Variants in NAMPT observed in about 807,000 individuals in gnomAD.
NAMPT encodes the protein NAmPRTase.
NAMPT carries 7 observed loss-of-function variants against 58.7 expected under a neutral mutation model. The ratio of observed to expected loss-of-function variants is 0.12; its 90% CI spans 0.07 to 0.22. The LOEUF (loss-of-function observed/expected upper bound fraction) is 0.22. Among genes scored for constraint, NAMPT ranks in the 10% least tolerant of loss-of-function variants. The pLI is 1.00. For missense variants in NAMPT, 271 were observed against 567.9 expected (o/e 0.48, Z 5.31); for synonymous variants, 145 against 198.1 (o/e 0.73, Z 2.25).
intron 3 of NAMPT, among the ~76,000 whole-genome samples, chr7:106,273,074 A>AGAT (rs1477216213): frequency 6.6e-6 from 1 of 152,226 alleles, no homozygotes; most frequent in Non-Finnish European, 1.5e-5. Flanking sequence ...TAAAGGCTGC[A>AGAT]GATTGAAAGA....
Position 106,269,015 on chromosome 7 carries a change from G to A in NAMPT, c.606+139C>T, listed in dbSNP as rs1792479633. On this transcript the variant is annotated intron_variant, in intron 5 of 10. Transcript: ENST00000222553. ...CCATGTACCCTGAACACAGTAGTAG[G>A]TACTGAATATGTATCTGTTGGTTGA... 67 of 730,928 alleles carry A rather than the reference G, an allele frequency of 9.2e-5. 1 individual carries two copies. The South Asian group carries it at 1.2e-3, about 13-fold the overall frequency. The allele number at this position is 730,928 out of a possible 1,614,324, so 45.3% of individuals were successfully genotyped here.
At chr7:106,255,522 C>T (rs184868516) in intron 8 of NAMPT, among the ~76,000 whole-genome samples, 1 of 152,016 alleles carries the variant, frequency 6.6e-6, no homozygotes, top group African/African-American at 2.4e-5. Flanking sequence ...TCTTTGTTTT[C>T]AACACTGCAA....
intron 6 of NAMPT, among the ~76,000 whole-genome samples, chr7:106,266,040 TTTGG>T (rs899149170): frequency 2.0e-5 from 3 of 152,172 alleles, no homozygotes; most frequent in Non-Finnish European, 4.4e-5. Context: ...CCTCCTTTTG[TTTGG>T]TTGGATGGAA....
At position 106,284,840 on chromosome 7, in the gene NAMPT, G is replaced by T. The variant is rs1352331830; in HGVS notation, c.45C>A (p.Thr15=). 1.3e-6 allele frequency: 2 copies of T among 1,567,816 alleles called. No individual in the cohort carries two copies. The highest frequency in any genetic ancestry group is 2.3e-5 in the South Asian group (2 of 85,510). ...AEAEFNILLA[T]DSYKVTHYKQ... ...CCCCGAGCTTTACCTTGTAGGAGTC[G>T]GTGGCCAGGAGGATGTTGAACTCGG... Residue 15 remains threonine (T), a synonymous_variant, in exon 1 of 11, where the codon ACC becomes ACA. Transcript: ENST00000222553.
chr7:106,277,191 A>T lies in NAMPT; in HGVS notation c.58-12T>A. ...TTATAGTGAGTAACCTATGTAAAGA[A>T]ATACACTTCTGTTAGAAAACACCGA... On this transcript the variant is annotated splice_polypyrimidine_tract_variant and intron_variant, in intron 1 of 10. Coordinates refer to ENST00000222553, the MANE Select transcript of NAMPT (RefSeq NM_005746.3). The T allele has an allele frequency of 6.2e-7, 1 of 1,601,364 alleles. No individual in the cohort carries two copies. Among genetic ancestry groups the T allele is most frequent in the Non-Finnish European group, 8.5e-7 (1 of 1,171,710 alleles).
intron 8 of NAMPT, among the ~76,000 whole-genome samples, chr7:106,260,593 G>A (rs1294164526): frequency 6.6e-6 from 1 of 152,162 alleles, no homozygotes; most frequent in African/African-American, 2.4e-5. Flanking sequence ...TTGGCCTACT[G>A]TTTGCCTTAA....
intron 8 of NAMPT, among the ~76,000 whole-genome samples, chr7:106,257,818 C>T (rs1792229631): frequency 1.3e-5 from 2 of 152,192 alleles, no homozygotes; most frequent in Admixed American, 1.3e-4. Flanking sequence ...AAGGTAGGCA[C>T]AGCAACAGGC....
chr7:106,269,134 G>C lies in NAMPT; in HGVS notation c.606+20C>G. ...CAACAATCCACATTATATTAAATGA[G>C]GTTGGTTTCAGTTACTTACCTCTTG... On this transcript the variant is annotated intron_variant, in intron 5 of 10. Coordinates refer to ENST00000222553, the MANE Select transcript of NAMPT (RefSeq NM_005746.3). 6.3e-7 allele frequency: 1 copy of C among 1,597,634 alleles called. No homozygotes were observed. Among genetic ancestry groups the C allele is most frequent in the Non-Finnish European group, 8.5e-7 (1 of 1,171,684 alleles).
Position 106,267,701 on chromosome 7 carries a change from C to T in NAMPT, c.743+763G>A, listed in dbSNP as rs189479490. 8.8e-3 allele frequency among the ~76,000 whole-genome samples: 1,314 copies of T among 150,126 alleles called. 26 individuals carry two copies. The highest frequency in any genetic ancestry group is 0.031 in the African/African-American group (1,252 of 40,924). On this transcript the variant is annotated intron_variant, in intron 6 of 10. Coordinates refer to ENST00000222553, the MANE Select transcript of NAMPT (RefSeq NM_005746.3). ...CTAAAAATACAAAAAATTAGCCGGG[C>T]GTAGTGGCGGGCGCCTGTAGTCCCA...
chr7:106,269,405 G>C (rs1465066880), intron 4 of NAMPT, 93 bp from the exon 5 acceptor site: 1 of 1,160,774 alleles, frequency 8.6e-7, no homozygotes, highest in Non-Finnish European at 1.2e-6. Flanking sequence ...TTGGAGGTAT[G>C]TCCTGAACTT....
rs754057496 is a variant in NAMPT, at chr7:106,254,397, G to A, written c.1197C>T (p.Phe399=). 2.9e-5 allele frequency: 46 copies of A among 1,613,806 alleles called. No homozygotes were observed. In the South Asian group the frequency reaches 4.7e-4, roughly 17 times the overall value. ...CATTAGTTACAACATAGCTACACTT[G>A]AAGGAACAATTCAAGAGATCTCTTG... ...KLTRDLLNCS[F]KCSYVVTNGL... is the part of the protein sequence containing the mutation. Residue 399 remains phenylalanine, a synonymous_variant, in exon 9 of 11, where the codon TTC becomes TTT. Coordinates refer to ENST00000222553, the MANE Select transcript of NAMPT (RefSeq NM_005746.3).
chr7:106,253,989 C>T (rs1370844631), intron 9 of NAMPT, among the ~76,000 whole-genome samples: 1 of 152,098 alleles, frequency 6.6e-6, no homozygotes, highest in African/African-American at 2.4e-5. Context: ...TTCTACCTTC[C>T]TGTAACAGTT....
intron 4 of NAMPT, among the ~76,000 whole-genome samples, chr7:106,271,532 C>T (rs1792533017): frequency 6.6e-6 from 1 of 152,044 alleles, no homozygotes; most frequent in African/African-American, 2.4e-5. Context: ...TTATTTCAGT[C>T]CTAAATATTA....
rs150117559 is a variant in NAMPT, at chr7:106,262,368, TTTTTCCTAAATA to T, written c.970-673_970-662del. ...ATTCTCTTCCCACAACAATCATTTC[TTTTTCCTAAATA>T]AACTGATTAAAGATTCTAACAAAGA... On this transcript the variant is annotated intron_variant, in intron 7 of 10. Transcript: ENST00000222553. Among the ~76,000 whole-genome samples the T allele has an allele frequency of 9.2e-3, 1,407 of 152,276 alleles. 18 individuals carry two copies. The highest frequency in any genetic ancestry group is 0.015 in the Admixed American group (224 of 15,284).
intron 7 of NAMPT, 84 bp from the exon 8 acceptor site, chr7:106,261,791 T>A: frequency 7.1e-7 from 1 of 1,408,718 alleles, no homozygotes; most frequent in Non-Finnish European, 9.9e-7. Context: ...TGATTTTGCT[T>A]TGATAATCGA....
chr7:106,265,567 TAAAAAAAAA>T (rs35685666), intron 6 of NAMPT, among the ~76,000 whole-genome samples: 2 of 116,458 alleles, frequency 1.7e-5, no homozygotes, highest in African/African-American at 3.3e-5. Flanking sequence ...CTCAAAAGCT[TAAAAAAAAA>T]AAAAAAAAAA....
rs550182061 is a variant in NAMPT, at chr7:106,266,689, A to G, written c.743+1775T>C. ...TTAGCACCTTGGTCTGGACTTCATT[A>G]CCTTAAGACTGCTGGAATAGCTTCC... is the stretch of plus-strand genomic sequence containing the variant. On this transcript the variant is annotated intron_variant, in intron 6 of 10. Coordinates refer to ENST00000222553, the MANE Select transcript of NAMPT (RefSeq NM_005746.3). 2.3e-3 allele frequency among the ~76,000 whole-genome samples: 343 copies of G among 152,262 alleles called. 1 individual carries two copies. The highest frequency in any genetic ancestry group is 7.8e-3 in the African/African-American group (324 of 41,550).
chr7:106,285,203 G>C, upstream of NAMPT: 5 of 1,016,322 alleles, frequency 4.9e-6, no homozygotes, highest in Non-Finnish European at 5.7e-6. Flanking sequence ...GCGCTGCGCA[G>C]TGCGCGGAGG....
chr7:106,262,707 CT>C (rs1792329128), intron 7 of NAMPT, among the ~76,000 whole-genome samples: 1 of 152,088 alleles, frequency 6.6e-6, no homozygotes, highest in African/African-American at 2.4e-5. Context: ...GTTGTGTGAC[CT>C]TGAGCAAGTT....
Sources: allele counts gnomAD v4.1 joint callset (sites outside exome capture counted in the v4.1 genomes callset), GRCh38; gene constraint gnomAD v4.1.1; transcripts MANE v1.5; gene names NCBI Gene and HGNC (gene_info 2026-07-23, HGNC 2026-07-21).